ERC2: variants seen among roughly 807,000 people sequenced by gnomAD.
The protein encoded by ERC2 is ERC protein 2.
A neutral mutation model predicts 114.8 loss-of-function variants in ERC2; 42 were observed. The ratio of observed to expected loss-of-function variants is 0.37; its 90% confidence interval spans 0.29 to 0.47. ERC2 has a LOEUF of 0.47. Among genes scored for constraint, ERC2 ranks in the 20% least tolerant of loss-of-function variants. The pLI is 0.99. For missense variants in ERC2, 939 were observed against 1,150.7 expected (o/e 0.82, Z 2.66); for synonymous variants, 454 against 425.5 (o/e 1.07, Z -0.82).
intron 7 of ERC2, among the ~76,000 whole-genome samples, chr3:56,024,072 T>C (rs77301626): frequency 0.015 from 2,316 of 152,304 alleles, 17 homozygotes; most frequent in African/African-American, 0.032. Flanking sequence ...CTCTCTAAGA[T>C]TTGTCTCTGG....
intron 5 of ERC2, among the ~76,000 whole-genome samples, chr3:56,139,907 A>T (rs2080751046): frequency 6.6e-6 from 1 of 152,212 alleles, no homozygotes; most frequent in South Asian, 2.1e-4. Context: ...AAAGGTCAGC[A>T]GACTGCCCTC....
chr3:56,044,613 C>G (rs1018919982), intron 7 of ERC2, among the ~76,000 whole-genome samples: 1 of 152,074 alleles, frequency 6.6e-6, no homozygotes, highest in Non-Finnish European at 1.5e-5. Context: ...AGTACTCTAT[C>G]TATGCTCTTT....
intron 3 of ERC2, among the ~76,000 whole-genome samples, chr3:56,228,505 T>C (rs1382690146): frequency 6.6e-6 from 1 of 152,246 alleles, no homozygotes; most frequent in Non-Finnish European, 1.5e-5. Flanking sequence ...TCCTTAAGTT[T>C]CATCCATGTC....
At chr3:55,526,282 G>GTTGT (rs1559599120) in intron 17 of ERC2, among the ~76,000 whole-genome samples, 16 of 152,172 alleles carry the variant, frequency 1.1e-4, no homozygotes. Context: ...ATAAATTTCT[G>GTTGT]TTGTTTTAAG....
intron 2 of ERC2, among the ~76,000 whole-genome samples, chr3:56,355,493 G>A (rs186073279): frequency 5.3e-5 from 8 of 151,624 alleles, no homozygotes; most frequent in Non-Finnish European, 8.8e-5. Context: ...AATTTTTTTT[G>A]TAAAGACAGG....
chr3:55,645,192 T>C (rs1048480326), intron 17 of ERC2, among the ~76,000 whole-genome samples: 3 of 152,230 alleles, frequency 2.0e-5, no homozygotes, highest in Non-Finnish European at 2.9e-5. Flanking sequence ...TAAACTGTAA[T>C]TTCAACAACT....
chr3:55,668,895 G>T (rs815419), intron 17 of ERC2, among the ~76,000 whole-genome samples: 142,500 of 152,306 alleles, frequency 0.94, 66,718 homozygotes, highest in East Asian at 1. Context: ...TTCTGTTGAG[G>T]TGCACATAGC....
At chr3:55,651,544 C>CT (rs2060622946) in intron 17 of ERC2, among the ~76,000 whole-genome samples, 1 of 152,160 alleles carries the variant, frequency 6.6e-6, no homozygotes. Context: ...TGAACTGGGT[C>CT]TTTCGCTTCT....
intron 3 of ERC2, among the ~76,000 whole-genome samples, chr3:56,199,618 C>T (rs1254191569): frequency 1.3e-5 from 2 of 152,044 alleles, no homozygotes; most frequent in Non-Finnish European, 2.9e-5. Context: ...AGTGATCCTC[C>T]CACCTAAGTC....
chr3:56,448,476 G>A (rs527764275), intron 1 of ERC2, among the ~76,000 whole-genome samples: 9 of 152,134 alleles, frequency 5.9e-5, no homozygotes, highest in Admixed American at 5.9e-4. Flanking sequence ...CCAAAACATT[G>A]TGGCCGGAGG....
At chr3:55,765,703 A>T (rs2067729910) in intron 14 of ERC2, among the ~76,000 whole-genome samples, 1 of 152,178 alleles carries the variant, frequency 6.6e-6, no homozygotes, top group Admixed American at 6.5e-5. Context: ...CAGATACGAT[A>T]TTAATACGAA....
chr3:56,460,894 G>T (rs1189714046), intron 1 of ERC2, among the ~76,000 whole-genome samples: 1 of 150,976 alleles, frequency 6.6e-6, no homozygotes, highest in Non-Finnish European at 1.5e-5. Context: ...GCCGAGGCGG[G>T]CGGATCACGG....
chr3:56,106,690 T>C (rs1452408194), intron 6 of ERC2, among the ~76,000 whole-genome samples: 1 of 152,030 alleles, frequency 6.6e-6, no homozygotes, highest in Non-Finnish European at 1.5e-5. Flanking sequence ...CATGAGGGAG[T>C]AACAGCAGCC....
chr3:56,261,455 C>T (rs1440048937), intron 3 of ERC2, among the ~76,000 whole-genome samples: 1 of 152,164 alleles, frequency 6.6e-6, no homozygotes, highest in East Asian at 1.9e-4. Flanking sequence ...CCCTACCTTT[C>T]ACCCTGAACT....
intron 2 of ERC2, among the ~76,000 whole-genome samples, chr3:56,432,503 G>T (rs1402127797): frequency 6.6e-6 from 1 of 152,192 alleles, no homozygotes; most frequent in African/African-American, 2.4e-5. Flanking sequence ...ATTTTAGAGT[G>T]AAGAACAAAC....
chr3:55,778,122 G>A (rs189522045), intron 14 of ERC2, among the ~76,000 whole-genome samples: 1 of 152,236 alleles, frequency 6.6e-6, no homozygotes, highest in East Asian at 1.9e-4. Flanking sequence ...TTTTGTTAGA[G>A]TAGTACCTAT....
chr3:55,682,421 C>A (rs570192615), intron 17 of ERC2, among the ~76,000 whole-genome samples: 13 of 152,268 alleles, frequency 8.5e-5, no homozygotes, highest in Admixed American at 2.6e-4. Context: ...GGCATTACAT[C>A]TTTACTATGT....
chr3:55,803,212 G>T (rs538911814), intron 14 of ERC2, among the ~76,000 whole-genome samples: 115 of 152,006 alleles, frequency 7.6e-4, no homozygotes, highest in Non-Finnish European at 1.4e-3. Flanking sequence ...ATTCTAAACT[G>T]AATTTATTGC....
chr3:56,132,374 G>A (rs2080252442), intron 6 of ERC2, among the ~76,000 whole-genome samples: 3 of 152,206 alleles, frequency 2.0e-5, no homozygotes, highest in Admixed American at 2.0e-4. Context: ...GCCCAAGTCT[G>A]CTCTCTAGTT....
Sources: gnomAD v4.1 joint callset for allele counts (sites outside exome capture counted in the v4.1 genomes callset) on GRCh38, gnomAD v4.1.1 for gene constraint, MANE v1.5 for transcripts, NCBI Gene and HGNC (gene_info 2026-07-23, HGNC 2026-07-21) for gene names.